Variants in KCTD20 observed in about 807,000 individuals in gnomAD.
KCTD20 encodes potassium channel tetramerization domain containing 20, also known as BTB/POZ domain-containing protein KCTD20.
A neutral mutation model predicts 39.6 loss-of-function variants in KCTD20; 30 were observed. That is an observed-to-expected ratio of 0.76 (90% CI 0.57 to 1.03). The LOEUF (loss-of-function observed/expected upper bound fraction) is 1.03. KCTD20 is among the 50% of genes least tolerant of loss of function. The probability of loss-of-function intolerance (pLI) is 0.00; values close to 1 mark genes in which losing one functional copy is unlikely to be tolerated. For missense variants in KCTD20, 422 were observed against 522.0 expected (o/e 0.81, Z 1.87); for synonymous variants, 162 against 180.6 (o/e 0.90, Z 0.83).
chr6:36,470,143 G>A lies in KCTD20; in HGVS notation c.46G>A (p.Glu16Lys), dbSNP rs1378208004. The A allele has an allele frequency of 1.2e-6, 2 of 1,613,994 alleles. No homozygotes were observed. The highest frequency in any genetic ancestry group is 1.1e-5 in the South Asian group (1 of 91,062). Residue 16 changes from glutamate to lysine, a missense_variant, in exon 2 of 8, where the codon GAG (glutamate) becomes AAG (lysine). By Grantham distance (56) the Glu-to-Lys change is moderately conservative. Coordinates refer to ENST00000373731, the MANE Select transcript of KCTD20 (RefSeq NM_173562.5). ...TGACAGTGACAGGTTATTGCGGCAGGAGGCCAGCTGCTTAGTGGATGATAC... is the reference window on the plus strand; with the variant it reads ...TGACAGTGACAGGTTATTGCGGCAGAAGGCCAGCTGCTTAGTGGATGATAC... ...GSDSDRLLRQ[E>K]ASCLVDDTLA... is the part of the protein sequence containing the mutation.
intron 2 of KCTD20, among the ~76,000 whole-genome samples, chr6:36,471,677 A>C (rs1775913580): frequency 6.6e-6 from 1 of 152,152 alleles, no homozygotes; most frequent in Non-Finnish European, 1.5e-5. Flanking sequence ...GCTGAAGAGT[A>C]CACCATTAGG....
At chr6:36,479,735 C>T in intron 5 of KCTD20, 24 bp downstream of exon 5, 3 of 1,563,812 alleles carry the variant, frequency 1.9e-6, no homozygotes, top group Non-Finnish European at 2.6e-6. Flanking sequence ...CAGGTGCCAG[C>T]TGCACTTAAG....
At position 36,479,580 on chromosome 6, in the gene KCTD20, T is replaced by G; in HGVS notation, c.538-11T>G. On this transcript the variant is annotated splice_polypyrimidine_tract_variant and intron_variant, in intron 4 of 7. Coordinates refer to ENST00000373731, the MANE Select transcript of KCTD20 (RefSeq NM_173562.5). ...CTCTGCCTACATTTTTTCTTCCTAATCTATTTACAGGATTATTACAAAACC... is the reference window on the plus strand; with the variant it reads ...CTCTGCCTACATTTTTTCTTCCTAAGCTATTTACAGGATTATTACAAAACC... 1 of 1,599,142 alleles carries G rather than the reference T, an allele frequency of 6.3e-7. No homozygotes were observed. Among genetic ancestry groups the G allele is most frequent in the Non-Finnish European group, 8.5e-7 (1 of 1,176,046 alleles).
intron 1 of KCTD20, chr6:36,443,442 A>T (rs1774937010): frequency 6.6e-6 from 1 of 152,188 alleles, no homozygotes; most frequent in African/African-American, 2.4e-5. Flanking sequence ...ATCCCGCCGG[A>T]GAGGAATGGC....
At position 36,474,319 on chromosome 6, in the gene KCTD20, C is replaced by T. The variant is rs139666721; in HGVS notation, c.161-470C>T. On this transcript the variant is annotated intron_variant, in intron 2 of 7. Coordinates refer to ENST00000373731, the MANE Select transcript of KCTD20 (RefSeq NM_173562.5). Reference sequence around the variant, plus strand: ...AATCTGAAAATGAATAGTTTTGGCACATATTAGTAGCAGGTTCCTTAAATA... The same window carrying T: ...AATCTGAAAATGAATAGTTTTGGCATATATTAGTAGCAGGTTCCTTAAATA... Among the ~76,000 whole-genome samples the T allele has an allele frequency of 8.1e-5, 12 of 148,490 alleles. No individual in the cohort carries two copies. In the East Asian group the frequency reaches 1.8e-3, roughly 22 times the overall value.
rs989283150 is a variant in KCTD20 at position 36,488,808 on chromosome 6, G to C, written c.*1633G>C. 2.0e-5 allele frequency: 3 copies of C among 152,556 alleles called. No homozygotes were observed. Among genetic ancestry groups the C allele is most frequent in the African/African-American group, 7.2e-5 (3 of 41,404 alleles). The allele number at this position is 152,556 out of a possible 1,614,324, so 9.5% of individuals were successfully genotyped here. On this transcript the variant is annotated 3_prime_UTR_variant, in exon 8 of 8. Coordinates refer to ENST00000373731, the MANE Select transcript of KCTD20 (RefSeq NM_173562.5). ...GTAGATGTTGAAAGCTCTTTCCAGGGCTGAAAAAGTGTTCTTACGTTCTCT... is the reference window on the plus strand; with the variant it reads ...GTAGATGTTGAAAGCTCTTTCCAGGCCTGAAAAAGTGTTCTTACGTTCTCT...
Position 36,484,698 on chromosome 6 carries a change from A to AT in KCTD20, c.857-10dup, listed in dbSNP as rs745993861. ...GTCTTTACTCCATGGCTAACCCTATATTTTTTCTTTTTCAGTTCTTTATAG... is the reference window on the plus strand; with the variant it reads ...GTCTTTACTCCATGGCTAACCCTATATTTTTTTCTTTTTCAGTTCTTTATAG... On this transcript the variant is annotated splice_polypyrimidine_tract_variant and intron_variant, in intron 6 of 7. Coordinates refer to ENST00000373731, the MANE Select transcript of KCTD20 (RefSeq NM_173562.5). 7.9e-7 allele frequency: 1 copy of AT among 1,265,758 alleles called. No individual in the cohort carries two copies. Among genetic ancestry groups the AT allele is most frequent in the Non-Finnish European group, 1.1e-6 (1 of 881,286 alleles). 78.4% of individuals were successfully genotyped at this position (1,265,758 alleles called of 1,614,324 possible).
intron 1 of KCTD20, among the ~76,000 whole-genome samples, chr6:36,456,677 T>C (rs1267196331): frequency 6.7e-6 from 1 of 148,998 alleles, no homozygotes; most frequent in Non-Finnish European, 1.5e-5. Flanking sequence ...AGTTTTGACC[T>C]CCTGAGCTCA....
Position 36,479,161 on chromosome 6 carries a change from A to G in KCTD20, c.475A>G (p.Asn159Asp). Residue 159 changes from asparagine to aspartate, a missense_variant, in exon 4 of 8, where the codon AAT (asparagine) becomes GAT (aspartate). Asn to Asp is a conservative substitution (Grantham distance 23, BLOSUM62 1). Transcript: ENST00000373731. ...AAGAGAGTACAACTTCACTCGGCCC[A>G]ATGAGAAGGGAGAGTATGAGATTGC... Reference protein sequence around the residue: ...PGREYNFTRPNEKGEYEIAEG... With the variant: ...PGREYNFTRPDEKGEYEIAEG... 6.2e-7 allele frequency: 1 copy of G among 1,614,060 alleles called. No homozygotes were observed. Among genetic ancestry groups the G allele is most frequent in the Non-Finnish European group, 8.5e-7 (1 of 1,179,932 alleles).
rs188980970 is a variant in KCTD20 at position 36,482,983 on chromosome 6, G to A, written c.856+1224G>A. Among the ~76,000 whole-genome samples, 91 of 150,908 alleles carry A rather than the reference G, an allele frequency of 6.0e-4. 1 individual carries two copies. The highest frequency in any genetic ancestry group is 3.0e-3 in the Admixed American group (45 of 15,144). ...AAAAAAAAGATTAACCGGGCATGGT[G>A]GCCCATGCCTGTAATCCCAGCTACT... is the stretch of plus-strand genomic sequence containing the variant. On this transcript the variant is annotated intron_variant, in intron 6 of 7. Coordinates refer to ENST00000373731, the MANE Select transcript of KCTD20 (RefSeq NM_173562.5).
chr6:36,487,261 G>C lies in KCTD20; in HGVS notation c.*86G>C, dbSNP rs1776456396. ...CCTCCCTCGTGATTTGTCTCACCTT[G>C]AGTAGGAGACATGCTTCTCCCCTAA... is the stretch of plus-strand genomic sequence containing the variant. On this transcript the variant is annotated 3_prime_UTR_variant, in exon 8 of 8. Coordinates refer to ENST00000373731, the MANE Select transcript of KCTD20 (RefSeq NM_173562.5). 1 of 1,342,628 alleles carries C rather than the reference G, an allele frequency of 7.4e-7. No homozygotes were observed. The highest frequency in any genetic ancestry group is 2.1e-5 in the Admixed American group (1 of 47,490). The allele number at this position is 1,342,628 out of a possible 1,614,324, so 83.2% of individuals were successfully genotyped here. A position where few individuals can be genotyped will look rare whatever the true frequency, so the allele number is the denominator to read the frequency against.
chr6:36,484,879 C>A, intron 7 of KCTD20, 55 bp downstream of exon 7: 1 of 992,392 alleles, frequency 1.0e-6, no homozygotes, highest in Non-Finnish European at 1.6e-6. Flanking sequence ...ATTGCCACAG[C>A]TTACATCCTC....
At chr6:36,455,240 G>A (rs932212845) in intron 1 of KCTD20, among the ~76,000 whole-genome samples, 93 of 151,776 alleles carry the variant, frequency 6.1e-4, no homozygotes, top group Non-Finnish European at 1.1e-3. Context: ...AAACCCTGCC[G>A]CTACTAAAAA....
intron 1 of KCTD20, among the ~76,000 whole-genome samples, chr6:36,468,904 C>T (rs1019739938): frequency 5.3e-5 from 8 of 152,200 alleles, no homozygotes; most frequent in African/African-American, 1.9e-4. Context: ...GTCATTTTTA[C>T]ATTTCATCTA....
At chr6:36,479,276 A>C in intron 4 of KCTD20, 53 bp downstream of exon 4, 1 of 1,271,984 alleles carries the variant, frequency 7.9e-7, no homozygotes. Context: ...ATGTGTGATC[A>C]ATAGCCTTGA....
chr6:36,463,676 G>A (rs190652137), intron 1 of KCTD20, among the ~76,000 whole-genome samples: 5 of 152,272 alleles, frequency 3.3e-5, no homozygotes, highest in East Asian at 1.9e-4. Context: ...ATGTGAGGAC[G>A]CCTGGATGCC....
chr6:36,454,338 T>G (rs2127432260), intron 1 of KCTD20, among the ~76,000 whole-genome samples: 1 of 134,288 alleles, frequency 7.4e-6, no homozygotes. Context: ...AAATATTTAC[T>G]TTATGGCTCT....
chr6:36,485,787 T>C (rs57389119), intron 7 of KCTD20, among the ~76,000 whole-genome samples: 59,747 of 151,880 alleles, frequency 0.39, 13,108 homozygotes, highest in African/African-American at 0.56. Flanking sequence ...CCACGGCGCC[T>C]GGCCCCCTAT....
Position 36,479,744 on chromosome 6 carries a change from A to C in KCTD20, c.658+33A>C, listed in dbSNP as rs772463658. 8 of 1,476,138 alleles carry C rather than the reference A, an allele frequency of 5.4e-6. No individual in the cohort carries two copies. The South Asian group carries it at 6.0e-5, about 11-fold the overall frequency. The allele number at this position is 1,476,138 out of a possible 1,614,324, so 91.4% of individuals were successfully genotyped here. On this transcript the variant is annotated intron_variant, in intron 5 of 7. Coordinates refer to ENST00000373731, the MANE Select transcript of KCTD20 (RefSeq NM_173562.5). ...CAGGAGCAGGTGCCAGCTGCACTTA[A>C]GCAGCTGAACTTTCAGTTTTCTTGG...
Sources: gnomAD v4.1 joint callset for allele counts (sites outside exome capture counted in the v4.1 genomes callset) on GRCh38, gnomAD v4.1.1 for gene constraint, MANE v1.5 for transcripts, NCBI Gene and HGNC (gene_info 2026-07-23, HGNC 2026-07-21) for gene names.